The following DNAJC15 variants were observed in gnomAD, a reference collection of about 807,000 sequenced individuals.
The protein encoded by DNAJC15 is dnaJ homolog subfamily C member 15.
In DNAJC15, 27 loss-of-function variants were observed where a neutral mutation model predicts 22.4. The ratio of observed to expected loss-of-function variants is 1.20; its 90% confidence interval spans 0.89 to 1.66. The LOEUF (loss-of-function observed/expected upper bound fraction) is 1.66, where lower values mean the gene tolerates loss of function less well. Ranked by LOEUF, DNAJC15 falls within the 40% of genes most tolerant of loss-of-function variation. The pLI is 0.00. For synonymous variants in DNAJC15, 79 were observed against 63.2 expected (o/e 1.25, Z -1.19); for missense variants, 208 against 187.1 (o/e 1.11, Z -0.65).
rs376313425 is a variant in DNAJC15, at chr13:43,075,783, C to T, written c.235-2829C>T. On this transcript the variant is annotated intron_variant, in intron 3 of 5. Transcript: ENST00000379221. ...GGTCAAGTGATTCTCCTGCCTCAGCCTCCAGAGTAGCTGGGATTACAGGCA... is the reference window on the plus strand; with the variant it reads ...GGTCAAGTGATTCTCCTGCCTCAGCTTCCAGAGTAGCTGGGATTACAGGCA... Among the ~76,000 whole-genome samples, 50 of 152,294 alleles carry T rather than the reference C, an allele frequency of 3.3e-4. No homozygotes were observed. In the East Asian group the frequency reaches 8.3e-3, roughly 25 times the overall value.
intron 3 of DNAJC15, among the ~76,000 whole-genome samples, chr13:43,071,444 A>C (rs1241131305): frequency 6.6e-6 from 1 of 151,998 alleles, no homozygotes; most frequent in Non-Finnish European, 1.5e-5. Context: ...GTTTGCAGTA[A>C]AACATCTTAG....
rs773425621 is a variant in DNAJC15 at position 43,023,645 on chromosome 13, A to G, written c.19A>G (p.Ile7Val). The G allele has an allele frequency of 2.5e-6, 4 of 1,612,014 alleles. No individual in the cohort carries two copies. The highest frequency in any genetic ancestry group is 1.1e-5 in the South Asian group (1 of 90,680). The stretch of plus-strand genomic sequence containing the variant: ...CCTTGCCATGGCTGCCCGTGGTGTC[A>G]TCGCTCCAGTTGGCGAGAGTTTGCG... The part of the protein sequence containing the change: MAARGV[I>V]APVGESLRYA... Residue 7 changes from isoleucine to valine, a missense_variant, in exon 1 of 6, where the codon ATC becomes GTC. Coordinates refer to ENST00000379221, the MANE Select transcript of DNAJC15 (RefSeq NM_013238.3).
At chr13:43,055,856 T>C (rs2040528273) in intron 1 of DNAJC15, among the ~76,000 whole-genome samples, 1 of 152,178 alleles carries the variant, frequency 6.6e-6, no homozygotes, top group Non-Finnish European at 1.5e-5. Context: ...TTTTGATGTA[T>C]TACATACATT....
chr13:43,053,760 A>G (rs2040516724), intron 1 of DNAJC15, among the ~76,000 whole-genome samples: 1 of 152,184 alleles, frequency 6.6e-6, no homozygotes. Context: ...GTGTACATTA[A>G]TTTTGTATCC....
rs1241603517 is a variant in DNAJC15, at chr13:43,111,353, A to G, written c.*4105A>G. ...TTAAACAGGAAACTTTTTCCTTCAT[A>G]CTTTTTAATTAACAAGACATATAAG... On this transcript the variant is annotated 3_prime_UTR_variant, in exon 6 of 6. Coordinates refer to ENST00000379221, the MANE Select transcript of DNAJC15 (RefSeq NM_013238.3). The G allele has an allele frequency of 6.6e-6, 1 of 152,178 alleles. No individual in the cohort carries two copies. Among genetic ancestry groups the G allele is most frequent in the African/African-American group, 2.4e-5 (1 of 41,436 alleles). The allele number at this position is 152,178 out of a possible 1,614,324, so 9.4% of individuals were successfully genotyped here.
intron 1 of DNAJC15, among the ~76,000 whole-genome samples, chr13:43,051,640 T>C (rs1287950674): frequency 7.8e-6 from 1 of 128,578 alleles, no homozygotes. Flanking sequence ...TCATGGTGTG[T>C]GTGTGTGTGT....
At chr13:43,047,525 G>A (rs540439816) in intron 1 of DNAJC15, among the ~76,000 whole-genome samples, 42 of 152,318 alleles carry the variant, frequency 2.8e-4, no homozygotes, top group Admixed American at 2.2e-3. Context: ...TGTCTGTGAC[G>A]TTCACATAGG....
chr13:43,077,759 C>T (rs1025411571), intron 3 of DNAJC15, among the ~76,000 whole-genome samples: 2 of 152,208 alleles, frequency 1.3e-5, no homozygotes, highest in Admixed American at 6.5e-5. Flanking sequence ...GTGTCCTCAA[C>T]ATCATTCTTA....
chr13:43,025,876 C>G (rs1007255406), intron 1 of DNAJC15, among the ~76,000 whole-genome samples: 2 of 152,170 alleles, frequency 1.3e-5, no homozygotes, highest in Non-Finnish European at 2.9e-5. Flanking sequence ...TGCACTCCAG[C>G]CTGGGCGACA....
intron 5 of DNAJC15, among the ~76,000 whole-genome samples, chr13:43,091,710 A>C (rs1402701888): frequency 6.6e-6 from 1 of 152,148 alleles, no homozygotes; most frequent in East Asian, 1.9e-4. Context: ...TAATTTTTTG[A>C]AATGAATAGT....
chr13:43,040,039 G>T (rs1005169997), intron 1 of DNAJC15, among the ~76,000 whole-genome samples: 7 of 33,012 alleles, frequency 2.1e-4, no homozygotes, highest in Non-Finnish European at 2.4e-4. Context: ...GAGAGAAAAA[G>T]AAATATATAC....
At chr13:43,055,647 A>G (rs913227699) in intron 1 of DNAJC15, among the ~76,000 whole-genome samples, 5 of 152,264 alleles carry the variant, frequency 3.3e-5, no homozygotes, top group African/African-American at 9.6e-5. Context: ...CTAAGGGTCT[A>G]CCAATTTTAC....
chr13:43,050,461 A>G (rs1021548244), intron 1 of DNAJC15, among the ~76,000 whole-genome samples: 1 of 151,702 alleles, frequency 6.6e-6, no homozygotes, highest in African/African-American at 2.4e-5. Flanking sequence ...ACACCCAACT[A>G]ACTTTTCTTT....
intron 1 of DNAJC15, among the ~76,000 whole-genome samples, chr13:43,024,107 A>G (rs1459358265): frequency 6.6e-6 from 1 of 152,190 alleles, no homozygotes; most frequent in Non-Finnish European, 1.5e-5. Flanking sequence ...AGAAAGCTGT[A>G]GTTAAAAATT....
At chr13:43,105,558 A>AT (rs2040792519) in intron 5 of DNAJC15, among the ~76,000 whole-genome samples, 1 of 152,196 alleles carries the variant, frequency 6.6e-6, no homozygotes, top group Admixed American at 6.5e-5. Flanking sequence ...TTGTCATGTC[A>AT]TTTTTTTCCT....
intron 1 of DNAJC15, among the ~76,000 whole-genome samples, chr13:43,049,666 C>G (rs936205080): frequency 1.3e-5 from 2 of 152,178 alleles, no homozygotes; most frequent in Admixed American, 1.3e-4. Context: ...CTTACTTAGA[C>G]TTAGATTGAC....
rs375063422 is a variant in DNAJC15 at position 43,044,908 on chromosome 13, T to C, written c.109-20778T>C. ...TAGACTTACAACTCATCCCCATGCC[T>C]CTGCTTTTCATCCTCTACAATCTAT... On this transcript the variant is annotated intron_variant, in intron 1 of 5. Coordinates refer to ENST00000379221, the MANE Select transcript of DNAJC15 (RefSeq NM_013238.3). Among the ~76,000 whole-genome samples the C allele has an allele frequency of 3.7e-4, 56 of 152,248 alleles. No individual in the cohort carries two copies. The East Asian group carries it at 6.9e-3, about 19-fold the overall frequency.
At chr13:43,053,773 A>G (rs530127415) in intron 1 of DNAJC15, among the ~76,000 whole-genome samples, 103 of 152,340 alleles carry the variant, frequency 6.8e-4, no homozygotes, top group African/African-American at 2.4e-3. Context: ...TTGTATCCTG[A>G]AACTTTGCTG....
chr13:43,095,129 T>C lies in DNAJC15; in HGVS notation c.382+9291T>C, dbSNP rs112505396. Among the ~76,000 whole-genome samples the C allele has an allele frequency of 5.2e-3, 796 of 152,248 alleles. 2 individuals carry two copies. Among genetic ancestry groups the C allele is most frequent in the Non-Finnish European group, 7.2e-3 (488 of 68,018 alleles). Reference sequence around the variant, plus strand: ...GTACAGAAAGTTACTTTTGAGACAGTATGACAAATTAATTGGCTAGCCAGT... The same window carrying C: ...GTACAGAAAGTTACTTTTGAGACAGCATGACAAATTAATTGGCTAGCCAGT... On this transcript the variant is annotated intron_variant, in intron 5 of 5. Coordinates refer to ENST00000379221, the MANE Select transcript of DNAJC15 (RefSeq NM_013238.3).
Sources: allele counts gnomAD v4.1 joint callset (sites outside exome capture counted in the v4.1 genomes callset), GRCh38; gene constraint gnomAD v4.1.1; transcripts MANE v1.5; gene names NCBI Gene and HGNC (gene_info 2026-07-23, HGNC 2026-07-21).